Variants in ETV6 observed in about 807,000 individuals in gnomAD.
ETV6 encodes the protein transcription factor ETV6.
ETV6 carries 16 observed loss-of-function variants against 51.1 expected under a neutral mutation model. That is an observed-to-expected ratio of 0.31 (90% CI 0.21 to 0.48). The LOEUF (loss-of-function observed/expected upper bound fraction) is 0.48, where lower values mean the gene tolerates loss of function less well. ETV6 is among the 20% of genes least tolerant of loss of function. ETV6 has a pLI of 0.99. For missense variants in ETV6, 458 were observed against 594.8 expected (o/e 0.77, Z 2.39); for synonymous variants, 240 against 224.1 (o/e 1.07, Z -0.64).
chr12:11,802,609 A>G (rs1334314039), intron 2 of ETV6, among the ~76,000 whole-genome samples: 1 of 152,216 alleles, frequency 6.6e-6, no homozygotes, highest in African/African-American at 2.4e-5. Flanking sequence ...ACCAAGTGTA[A>G]ATCATCTGGG....
intron 2 of ETV6, among the ~76,000 whole-genome samples, chr12:11,792,072 A>G (rs1945605551): frequency 6.6e-6 from 1 of 152,236 alleles, no homozygotes; most frequent in Admixed American, 6.5e-5. Context: ...CAAAGCCTGT[A>G]TCCACAGCAA....
intron 5 of ETV6, among the ~76,000 whole-genome samples, chr12:11,878,120 T>C (rs191623743): frequency 3.4e-4 from 52 of 152,230 alleles, no homozygotes; most frequent in African/African-American, 1.2e-3. Flanking sequence ...CTGCTGTCCA[T>C]ATTTGGAGGG....
At chr12:11,758,004 A>G (rs1945032032) in intron 2 of ETV6, among the ~76,000 whole-genome samples, 1 of 151,718 alleles carries the variant, frequency 6.6e-6, no homozygotes, top group Middle Eastern at 3.4e-3. Flanking sequence ...CTGGTCCTGT[A>G]GGCCCTGATG....
intron 1 of ETV6, among the ~76,000 whole-genome samples, chr12:11,747,628 G>A (rs905114555): frequency 1.3e-5 from 2 of 152,030 alleles, no homozygotes; most frequent in Non-Finnish European, 2.9e-5. Context: ...AATTCTTTAC[G>A]TTTGTCTCAC....
At chr12:11,858,851 G>A (rs1489808466) in intron 4 of ETV6, among the ~76,000 whole-genome samples, 2 of 152,136 alleles carry the variant, frequency 1.3e-5, no homozygotes, top group Non-Finnish European at 2.9e-5. Context: ...TTCAAGCATC[G>A]AAGTGCAATT....
At chr12:11,786,809 A>T (rs1945492845) in intron 2 of ETV6, among the ~76,000 whole-genome samples, 1 of 152,162 alleles carries the variant, frequency 6.6e-6, no homozygotes, top group South Asian at 2.1e-4. Flanking sequence ...GAGCAGTATG[A>T]CCTTAGAGGG....
rs553678520 is a variant in ETV6, at chr12:11,875,052, A to C, written c.1009+5083A>C. ...CTAAAACTTAAAGTATAATTAAAAA[A>C]AAAAGATACATGCAAATTTATGTCT... On this transcript the variant is annotated intron_variant, in intron 5 of 7. Coordinates refer to ENST00000396373, the MANE Select transcript of ETV6 (RefSeq NM_001987.5). Among the ~76,000 whole-genome samples the C allele has an allele frequency of 1.1e-3, 160 of 152,360 alleles. 2 individuals carry two copies. Among genetic ancestry groups the C allele is most frequent in the African/African-American group, 3.8e-3 (158 of 41,586 alleles).
At chr12:11,694,072 T>C (rs1378880436) in intron 1 of ETV6, among the ~76,000 whole-genome samples, 5 of 152,252 alleles carry the variant, frequency 3.3e-5, no homozygotes, top group Admixed American at 6.5e-5. Context: ...AGAGAAACAC[T>C]GTATCATGCC....
intron 1 of ETV6, among the ~76,000 whole-genome samples, chr12:11,666,836 C>T (rs1180438917): frequency 6.6e-6 from 1 of 152,230 alleles, no homozygotes; most frequent in Non-Finnish European, 1.5e-5. Context: ...CGGCAGCTGC[C>T]TGCCAGCCCT....
chr12:11,781,678 A>G (rs1945416088), intron 2 of ETV6, among the ~76,000 whole-genome samples: 1 of 152,254 alleles, frequency 6.6e-6, no homozygotes. Flanking sequence ...GACTATAGCC[A>G]AAGTCAGAAC....
intron 1 of ETV6, among the ~76,000 whole-genome samples, chr12:11,664,501 C>T (rs1479547300): frequency 2.0e-5 from 3 of 152,070 alleles, no homozygotes; most frequent in Non-Finnish European, 4.4e-5. Context: ...CAGGGGAGAA[C>T]CGCCAAAAGA....
Position 11,722,366 on chromosome 12 carries a change from C to T in ETV6, c.34-30084C>T, listed in dbSNP as rs373821111. On this transcript the variant is annotated intron_variant, in intron 1 of 7. Coordinates refer to ENST00000396373, the MANE Select transcript of ETV6 (RefSeq NM_001987.5). ...GCTCAGATAATCCACAAACTGTAAT[C>T]GCTTTGAATAATTGAGTTAACTCCA... 5.3e-5 allele frequency among the ~76,000 whole-genome samples: 8 copies of T among 152,276 alleles called. No individual in the cohort carries two copies. The East Asian group carries it at 9.6e-4, about 18-fold the overall frequency.
intron 1 of ETV6, among the ~76,000 whole-genome samples, chr12:11,691,756 C>T (rs942955488): frequency 1.3e-5 from 2 of 152,164 alleles, no homozygotes; most frequent in African/African-American, 4.8e-5. Flanking sequence ...CATTGATGGG[C>T]GTTGAAGTTG....
At chr12:11,737,510 G>C (rs565317584) in intron 1 of ETV6, among the ~76,000 whole-genome samples, 1 of 152,342 alleles carries the variant, frequency 6.6e-6, no homozygotes, top group East Asian at 1.9e-4. Flanking sequence ...AGACACGTTA[G>C]AGGCAAGCCT....
chr12:11,755,771 A>G (rs1162032589), intron 2 of ETV6, among the ~76,000 whole-genome samples: 1 of 152,204 alleles, frequency 6.6e-6, no homozygotes, highest in Non-Finnish European at 1.5e-5. Flanking sequence ...AGCCAAGACA[A>G]CAGCGGGACA....
chr12:11,883,324 C>T (rs1384808834), intron 5 of ETV6, among the ~76,000 whole-genome samples: 1 of 107,374 alleles, frequency 9.3e-6, no homozygotes, highest in Non-Finnish European at 1.7e-5. Flanking sequence ...GACTGAGTCT[C>T]ACTTTGTCAC....
intron 6 of ETV6, 104 bp downstream of exon 6, chr12:11,884,691 A>T: frequency 7.1e-7 from 1 of 1,410,936 alleles, no homozygotes; most frequent in East Asian, 2.3e-5. Context: ...ACGTCTGCCC[A>T]TACTTATTTA....
chr12:11,734,669 T>A (rs1865669479), intron 1 of ETV6, among the ~76,000 whole-genome samples: 1 of 152,154 alleles, frequency 6.6e-6, no homozygotes, highest in South Asian at 2.1e-4. Context: ...TATGCAAAAT[T>A]GTAGGGCATT....
chr12:11,721,030 A>G (rs916653162), intron 1 of ETV6, among the ~76,000 whole-genome samples: 2 of 152,210 alleles, frequency 1.3e-5, no homozygotes, highest in Non-Finnish European at 1.5e-5. Context: ...ACTGTCTCAC[A>G]CCAGTCAGAA....
Sources: gnomAD v4.1 joint callset for allele counts (sites outside exome capture counted in the v4.1 genomes callset) on GRCh38, gnomAD v4.1.1 for gene constraint, MANE v1.5 for transcripts, NCBI Gene and HGNC (gene_info 2026-07-23, HGNC 2026-07-21) for gene names.